The following HDAC4 variants were observed in gnomAD, a reference collection of about 807,000 sequenced individuals.
HDAC4 encodes the protein histone deacetylase A.
Under a neutral mutation model 135.1 loss-of-function variants are expected in HDAC4, and 16 were observed. The ratio of observed to expected loss-of-function variants is 0.12; its 90% CI spans 0.08 to 0.18. HDAC4 has a LOEUF of 0.18. HDAC4 is among the 10% of genes least tolerant of loss of function. The pLI is 1.00. For synonymous variants in HDAC4, 685 were observed against 653.4 expected (o/e 1.05, Z -0.74); for missense variants, 1,143 against 1,511.8 (o/e 0.76, Z 4.05).
chr2:239,357,376 G>C (rs1404310951), intron 1 of HDAC4, among the ~76,000 whole-genome samples: 1 of 151,064 alleles, frequency 6.6e-6, no homozygotes, highest in Non-Finnish European at 1.5e-5. Flanking sequence ...GCCTGTATTA[G>C]AAAAGAAGGC....
intron 2 of HDAC4, among the ~76,000 whole-genome samples, chr2:239,255,805 C>G (rs1282935673): frequency 6.6e-6 from 1 of 152,212 alleles, no homozygotes; most frequent in Non-Finnish European, 1.5e-5. Context: ...CAATCACTGC[C>G]AGGCACATGG....
chr2:239,342,676 G>A (rs777243347), intron 2 of HDAC4, among the ~76,000 whole-genome samples: 9 of 152,160 alleles, frequency 5.9e-5, no homozygotes, highest in Non-Finnish European at 1.2e-4. Flanking sequence ...TCCTGAGTCC[G>A]TGTTGTAGCA....
At chr2:239,161,139 C>T (rs973247518) in intron 6 of HDAC4, among the ~76,000 whole-genome samples, 2 of 152,254 alleles carry the variant, frequency 1.3e-5, no homozygotes, top group Middle Eastern at 6.8e-3. Context: ...AAGTGGGCGG[C>T]TTGTCTTTTT....
intron 2 of HDAC4, among the ~76,000 whole-genome samples, chr2:239,343,866 G>C (rs954197245): frequency 1.4e-5 from 2 of 142,040 alleles, no homozygotes; most frequent in African/African-American, 5.4e-5. Context: ...CTAAGCACTC[G>C]ATAGCAGTAA....
rs552239829 is a variant in HDAC4 at position 239,296,953 on chromosome 2, C to T, written c.22+55725G>A. On this transcript the variant is annotated intron_variant, in intron 2 of 26. Coordinates refer to ENST00000543185, the MANE Select transcript of HDAC4 (RefSeq NM_001378414.1). ...GTCCCCGCCAAAGAAGTGATCAGCT[C>T]TCCAGATGGCTCCAAAAGATGTTCG... Among the ~76,000 whole-genome samples, 398 of 150,772 alleles carry T rather than the reference C, an allele frequency of 2.6e-3. 2 individuals are homozygous for T. Among genetic ancestry groups the T allele is most frequent in the African/African-American group, 9.1e-3 (371 of 40,962 alleles).
intron 2 of HDAC4, among the ~76,000 whole-genome samples, chr2:239,297,087 T>A (rs773555504): frequency 1.3e-5 from 2 of 149,950 alleles, no homozygotes; most frequent in Non-Finnish European, 3.0e-5. Context: ...AGGGCTGGCC[T>A]ATGCATCCTT....
chr2:239,297,948 T>C (rs1396581183), intron 2 of HDAC4, among the ~76,000 whole-genome samples: 2 of 152,150 alleles, frequency 1.3e-5, no homozygotes, highest in African/African-American at 4.8e-5. Context: ...CAAATCATTA[T>C]TCCCGGTGCC....
intron 1 of HDAC4, among the ~76,000 whole-genome samples, chr2:239,366,191 TAC>T (rs1694203564): frequency 1.5e-5 from 1 of 64,814 alleles, no homozygotes; most frequent in Non-Finnish European, 3.1e-5. Flanking sequence ...ATGTGACACA[TAC>T]AGACATGCAT....
intron 1 of HDAC4, among the ~76,000 whole-genome samples, chr2:239,354,371 A>G (rs1693353372): frequency 6.6e-6 from 1 of 152,084 alleles, no homozygotes. Context: ...AGCTGAGCTC[A>G]TCAAGTTCTC....
At chr2:239,183,299 G>C (rs762407162) in intron 4 of HDAC4, among the ~76,000 whole-genome samples, 1 of 152,230 alleles carries the variant, frequency 6.6e-6, no homozygotes, top group African/African-American at 2.4e-5. Flanking sequence ...AACCCAAAAA[G>C]ATTTTCACTT....
chr2:239,353,066 C>T lies in HDAC4; in HGVS notation c.-219-148G>A, dbSNP rs62182145. The T allele has an allele frequency of 0.06, 17,726 of 297,138 alleles. 737 individuals carry two copies. The highest frequency in any genetic ancestry group is 0.088 in the Non-Finnish European group (13,202 of 150,612). 18.4% of individuals were successfully genotyped at this position (297,138 alleles called of 1,614,324 possible). On this transcript the variant is annotated intron_variant, in intron 1 of 26. Coordinates refer to ENST00000543185, the MANE Select transcript of HDAC4 (RefSeq NM_001378414.1). ...TCGCCCAGGCTGGAGTGTGGTGGCA[C>T]GATCTGGGCTCACTGCAACCTCCAC...
rs999330040 is a variant in HDAC4 at position 239,261,847 on chromosome 2, A to AC, written c.23-25184dup. ...ACAGTGGCAGGAGCCCGGCAGGGAC[A>AC]CCCCCCACCCGGCCCAGCCAGGAGG... On this transcript the variant is annotated intron_variant, in intron 2 of 26. Transcript: ENST00000543185. Among the ~76,000 whole-genome samples the AC allele has an allele frequency of 2.6e-5, 4 of 151,802 alleles. No homozygotes were observed. The South Asian group carries it at 6.3e-4, about 24-fold the overall frequency.
chr2:239,118,774 G>A (rs1481523571), intron 12 of HDAC4, among the ~76,000 whole-genome samples: 1 of 152,152 alleles, frequency 6.6e-6, no homozygotes, highest in Non-Finnish European at 1.5e-5. Context: ...TTCAACTAAG[G>A]AATCTAGCAA....
chr2:239,158,231 T>C (rs760337774), intron 6 of HDAC4, among the ~76,000 whole-genome samples: 1 of 152,194 alleles, frequency 6.6e-6, no homozygotes, highest in East Asian at 1.9e-4. Context: ...GATTGTATCC[T>C]ATGGGGAATG....
intron 2 of HDAC4, among the ~76,000 whole-genome samples, chr2:239,275,488 T>C (rs1383720154): frequency 6.6e-6 from 1 of 152,064 alleles, no homozygotes; most frequent in Admixed American, 6.6e-5. Flanking sequence ...GCTCTGCAAA[T>C]GTGATGGCAG....
At chr2:239,280,130 T>C (rs923727991) in intron 2 of HDAC4, among the ~76,000 whole-genome samples, 5 of 152,024 alleles carry the variant, frequency 3.3e-5, no homozygotes, top group Non-Finnish European at 1.5e-5. Context: ...TTGAGACATG[T>C]GCTGGTTCTT....
At chr2:239,095,982 G>C (rs979510884) in intron 16 of HDAC4, among the ~76,000 whole-genome samples, 5 of 152,136 alleles carry the variant, frequency 3.3e-5, no homozygotes, top group African/African-American at 1.2e-4. Context: ...TATCCAACGT[G>C]GGACCCCACT....
intron 2 of HDAC4, among the ~76,000 whole-genome samples, chr2:239,278,234 G>T (rs2050504194): frequency 6.6e-6 from 1 of 152,012 alleles, no homozygotes; most frequent in Non-Finnish European, 1.5e-5. Context: ...CCAAGTGGGG[G>T]TGACTTCACC....
At position 239,129,166 on chromosome 2, in the gene HDAC4, C is replaced by T. The variant is rs374478359; in HGVS notation, c.1295-2472G>A. Among the ~76,000 whole-genome samples, 7 of 152,344 alleles carry T rather than the reference C, an allele frequency of 4.6e-5. No individual in the cohort carries two copies. In the South Asian group the frequency reaches 1.4e-3, roughly 32 times the overall value. ...CCTATCTCGCCCACTCAGAATTTCA[C>T]TCTGCTGCCTCCAGGGTGCAAAACC... On this transcript the variant is annotated intron_variant, in intron 11 of 26. Transcript: ENST00000543185.
Sources: allele counts gnomAD v4.1 joint callset (sites outside exome capture counted in the v4.1 genomes callset), GRCh38; gene constraint gnomAD v4.1.1; transcripts MANE v1.5; gene names NCBI Gene and HGNC (gene_info 2026-07-23, HGNC 2026-07-21).